ZFYVE28: variants seen among roughly 807,000 people sequenced by gnomAD.
The protein encoded by ZFYVE28 is zinc finger FYVE-type containing 28, also known as lateral signaling target protein 2 homolog.
In ZFYVE28, 40 loss-of-function variants were observed where a neutral mutation model predicts 82.1. The ratio of observed to expected loss-of-function variants is 0.49; its 90% CI spans 0.38 to 0.63. ZFYVE28 has a LOEUF of 0.63. Ranked by LOEUF, ZFYVE28 falls within the 30% of genes least tolerant of loss-of-function variation. The pLI is 0.00. For synonymous variants in ZFYVE28, 612 were observed against 546.1 expected (o/e 1.12, Z -1.68); for missense variants, 1,321 against 1,242.1 (o/e 1.06, Z -0.96).
chr4:2,386,629 C>T (rs1268734706), intron 1 of ZFYVE28, among the ~76,000 whole-genome samples: 3 of 152,228 alleles, frequency 2.0e-5, no homozygotes, highest in African/African-American at 7.2e-5. Flanking sequence ...AGCCCCCTAG[C>T]CACGTGATGC....
chr4:2,281,216 G>A (rs375981029), intron 8 of ZFYVE28, among the ~76,000 whole-genome samples: 16 of 152,302 alleles, frequency 1.1e-4, no homozygotes, highest in African/African-American at 3.4e-4. Flanking sequence ...CAAGGGAACC[G>A]GCTGGGCTTG....
chr4:2,384,821 C>G (rs1269211380), intron 1 of ZFYVE28, among the ~76,000 whole-genome samples: 1 of 152,198 alleles, frequency 6.6e-6, no homozygotes, highest in Admixed American at 6.5e-5. Context: ...GAGTGTGAGA[C>G]ACCTGCCCAA....
intron 7 of ZFYVE28, among the ~76,000 whole-genome samples, chr4:2,307,853 A>G (rs1282795249): frequency 6.6e-6 from 1 of 152,176 alleles, no homozygotes; most frequent in Non-Finnish European, 1.5e-5. Flanking sequence ...TTTTGTGTAC[A>G]GTAGTGGTAA....
intron 1 of ZFYVE28, among the ~76,000 whole-genome samples, chr4:2,360,660 T>G (rs1000602879): frequency 6.6e-6 from 1 of 152,148 alleles, no homozygotes; most frequent in Non-Finnish European, 1.5e-5. Context: ...AGGAAATGAA[T>G]GAACACAGCT....
intron 4 of ZFYVE28, 102 bp from the exon 5 acceptor site, chr4:2,337,598 A>T: frequency 8.7e-6 from 7 of 800,394 alleles, no homozygotes; most frequent in South Asian, 2.1e-5. Flanking sequence ...ATGCTGGGCA[A>T]GGTGGGGGCG....
intron 2 of ZFYVE28, among the ~76,000 whole-genome samples, chr4:2,351,865 G>C (rs1167591229): frequency 6.6e-6 from 1 of 152,228 alleles, no homozygotes; most frequent in African/African-American, 2.4e-5. Flanking sequence ...GCAGAACTCA[G>C]GGAAACACTT....
In ZFYVE28 at chr4:2,271,929, C is replaced by G. The variant is rs1302842939; in HGVS notation, c.2324-150G>C. The G allele has an allele frequency of 4.3e-6, 3 of 695,636 alleles. No individual in the cohort carries two copies. In the East Asian group the frequency reaches 8.1e-5, roughly 19 times the overall value. The allele number at this position is 695,636 out of a possible 1,614,324, so 43.1% of individuals were successfully genotyped here. A position where few individuals can be genotyped will look rare whatever the true frequency, so the allele number is the denominator to read the frequency against. On this transcript the variant is annotated intron_variant, in intron 10 of 12. Transcript: ENST00000290974. ...AGTCTCATGGCAGGTGGCACCACAG[C>G]AGGTTGGGCGCCGATCCTGGCTGGG... is the stretch of plus-strand genomic sequence containing the variant.
chr4:2,279,836 G>T (rs1364935330), intron 8 of ZFYVE28, among the ~76,000 whole-genome samples: 2 of 151,634 alleles, frequency 1.3e-5, no homozygotes, highest in African/African-American at 2.4e-5. Context: ...GAAATGTCTA[G>T]AACAGGCGAA....
Position 2,339,435 on chromosome 4 carries a change from G to A in ZFYVE28, c.521+18C>T. 1 of 1,611,768 alleles carries A rather than the reference G, an allele frequency of 6.2e-7. No individual in the cohort carries two copies. Among genetic ancestry groups the A allele is most frequent in the Non-Finnish European group, 8.5e-7 (1 of 1,179,180 alleles). On this transcript the variant is annotated intron_variant, in intron 4 of 12. Coordinates refer to ENST00000290974, the MANE Select transcript of ZFYVE28 (RefSeq NM_020972.3). This position sits in a 1 kb window ranked among gnomAD's most constrained non-coding sequence, Gnocchi z 5.0. ...CCCAGCTCATACAGCCAGGGCTGTG[G>A]ACCCACAGCTGCAGTACCTGAGCTC...
At chr4:2,275,584 T>C (rs1389630808) in intron 8 of ZFYVE28, among the ~76,000 whole-genome samples, 1 of 152,246 alleles carries the variant, frequency 6.6e-6, no homozygotes, top group East Asian at 1.9e-4. Flanking sequence ...GGCTCATTTA[T>C]TTGGCCGTGT....
At chr4:2,350,026 G>GACAC (rs1232443745) in intron 2 of ZFYVE28, among the ~76,000 whole-genome samples, 1 of 99,668 alleles carries the variant, frequency 1.0e-5, no homozygotes, top group African/African-American at 3.5e-5. Context: ...TCAATAGGGT[G>GACAC]ACACACAGAC....
chr4:2,336,326 G>A (rs1183385667), intron 5 of ZFYVE28, among the ~76,000 whole-genome samples: 1 of 152,114 alleles, frequency 6.6e-6, no homozygotes, highest in Admixed American at 6.5e-5. Context: ...GGAATTTCCC[G>A]TCATCTTATT....
chr4:2,410,381 G>A (rs1462712549), intron 1 of ZFYVE28, among the ~76,000 whole-genome samples: 1 of 150,862 alleles, frequency 6.6e-6, no homozygotes, highest in African/African-American at 2.4e-5. Flanking sequence ...AGCCCTTTGT[G>A]ACTGGCTTCT....
intron 1 of ZFYVE28, among the ~76,000 whole-genome samples, chr4:2,413,812 G>T (rs1489523040): frequency 6.6e-6 from 1 of 152,208 alleles, no homozygotes; most frequent in Non-Finnish European, 1.5e-5. Flanking sequence ...CGCAAAGCAG[G>T]GAAGTCAAGG....
intron 1 of ZFYVE28, among the ~76,000 whole-genome samples, chr4:2,406,062 A>AAAAGAAAG (rs1553867780): frequency 0.2 from 24,582 of 124,164 alleles, 3,461 homozygotes; most frequent in African/African-American, 0.39. Flanking sequence ...AAAAAAAAAA[A>AAAAGAAAG]AAAGAAAGAA....
At chr4:2,391,534 A>G (rs1236501907) in intron 1 of ZFYVE28, among the ~76,000 whole-genome samples, 1 of 144,754 alleles carries the variant, frequency 6.9e-6, no homozygotes, top group Non-Finnish European at 1.5e-5. Flanking sequence ...TTAAGTCTAC[A>G]GCTCAGTGGC....
chr4:2,288,727 C>T (rs1017384048), intron 8 of ZFYVE28, among the ~76,000 whole-genome samples: 3 of 152,238 alleles, frequency 2.0e-5, no homozygotes, highest in African/African-American at 7.2e-5. Flanking sequence ...CCTTTAATCC[C>T]AATACTTTGG....
chr4:2,349,349 A>G (rs1288831794), intron 2 of ZFYVE28, among the ~76,000 whole-genome samples: 1 of 122,360 alleles, frequency 8.2e-6, no homozygotes, highest in Admixed American at 1.1e-4. Flanking sequence ...GGGGAACATC[A>G]CACTCTGGGG....
At chr4:2,308,814 A>G (rs928184093) in intron 7 of ZFYVE28, among the ~76,000 whole-genome samples, 1 of 152,204 alleles carries the variant, frequency 6.6e-6, no homozygotes, top group Admixed American at 6.5e-5. Context: ...ATTTTGATTG[A>G]GACTGCATTG....
Sources: gnomAD v4.1 joint callset for allele counts (sites outside exome capture counted in the v4.1 genomes callset) on GRCh38, gnomAD v4.1.1 for gene constraint, Gnocchi (gnomAD v3.1) non-coding constraint, MANE v1.5 for transcripts, NCBI Gene and HGNC (gene_info 2026-07-23, HGNC 2026-07-21) for gene names.